Variants in NUDCD1 observed in about 807,000 individuals in gnomAD.
NUDCD1 encodes the protein nudC domain-containing protein 1.
In NUDCD1, 60 loss-of-function variants were observed where a neutral mutation model predicts 67.8. The observed-to-expected ratio is 0.88, with a 90% CI of 0.72 to 1.10. The LOEUF (loss-of-function observed/expected upper bound fraction) is 1.10, where lower values mean the gene tolerates loss of function less well. Ranked by LOEUF, NUDCD1 falls within the 50% of genes least tolerant of loss-of-function variation. NUDCD1 has a pLI of 0.00. For missense variants in NUDCD1, 643 were observed against 695.0 expected, an observed-to-expected ratio of 0.93 and a Z score of 0.84; for synonymous variants, 244 against 230.8, an observed-to-expected ratio of 1.06 and a Z score of -0.52.
At chr8:109,271,172 A>T (rs1445178100) in intron 7 of NUDCD1, 42 bp from the exon 8 acceptor site, 1 of 1,365,096 alleles carries the variant, frequency 7.3e-7, no homozygotes, top group Non-Finnish European at 1.0e-6. Context: ...TAAAACAAAT[A>T]AACAAGGGAA....
intron 8 of NUDCD1, among the ~76,000 whole-genome samples, chr8:109,248,610 T>A (rs1028105977): frequency 2.0e-5 from 3 of 151,748 alleles, no homozygotes; most frequent in African/African-American, 7.3e-5. Flanking sequence ...GTGACTAGGG[T>A]CAAGAGCTTC....
intron 8 of NUDCD1, among the ~76,000 whole-genome samples, chr8:109,253,327 G>T (rs979459398): frequency 6.6e-6 from 1 of 152,192 alleles, no homozygotes; most frequent in African/African-American, 2.4e-5. Flanking sequence ...ATAAGTAGAA[G>T]TATGCTCAGC....
At chr8:109,255,802 G>A (rs1813723251) in intron 8 of NUDCD1, among the ~76,000 whole-genome samples, 2 of 152,254 alleles carry the variant, frequency 1.3e-5, no homozygotes, top group Admixed American at 6.5e-5. Flanking sequence ...TAAGGAAACA[G>A]TGAGAAAAGG....
chr8:109,256,097 G>C (rs1202877422), intron 8 of NUDCD1, among the ~76,000 whole-genome samples: 1 of 151,858 alleles, frequency 6.6e-6, no homozygotes, highest in Non-Finnish European at 1.5e-5. Context: ...TGTGGTCCCA[G>C]CTACTCAAGA....
intron 5 of NUDCD1, among the ~76,000 whole-genome samples, chr8:109,286,874 C>A (rs1814585665): frequency 6.6e-6 from 1 of 152,086 alleles, no homozygotes; most frequent in South Asian, 2.1e-4. Flanking sequence ...ACGCACCCAA[C>A]AGAAGTCTAA....
At chr8:109,282,239 C>T (rs1461427094) in intron 5 of NUDCD1, among the ~76,000 whole-genome samples, 2 of 152,120 alleles carry the variant, frequency 1.3e-5, no homozygotes, top group Non-Finnish European at 2.9e-5. Context: ...CAGCCCATTG[C>T]CTGAGGCAAT....
chr8:109,248,627 T>C (rs888579265), intron 8 of NUDCD1, among the ~76,000 whole-genome samples: 1 of 151,892 alleles, frequency 6.6e-6, no homozygotes, highest in African/African-American at 2.4e-5. Flanking sequence ...CTTCTAGACT[T>C]AGTACATAGT....
intron 5 of NUDCD1, among the ~76,000 whole-genome samples, chr8:109,283,069 T>C (rs1814494831): frequency 1.3e-5 from 2 of 151,970 alleles, no homozygotes; most frequent in South Asian, 4.2e-4. Flanking sequence ...ATCCAAGAAA[T>C]GAAGGAAGAG....
intron 1 of NUDCD1, among the ~76,000 whole-genome samples, chr8:109,328,568 A>G (rs577257558): frequency 2.0e-5 from 3 of 152,190 alleles, no homozygotes; most frequent in Non-Finnish European, 4.4e-5. Flanking sequence ...GGGCACTCAC[A>G]TAAGGCTAGG....
intron 8 of NUDCD1, among the ~76,000 whole-genome samples, chr8:109,248,432 G>T (rs1813549412): frequency 6.6e-6 from 1 of 152,052 alleles, no homozygotes; most frequent in Non-Finnish European, 1.5e-5. Context: ...AAATTGTAAA[G>T]AAATTTTTTT....
intron 4 of NUDCD1, among the ~76,000 whole-genome samples, chr8:109,290,407 G>A (rs76186006): frequency 0.076 from 11,502 of 152,000 alleles, 667 homozygotes; most frequent in South Asian, 0.22. Context: ...ACCTCTCCTT[G>A]ACTAAAGCCT....
intron 2 of NUDCD1, among the ~76,000 whole-genome samples, chr8:109,320,613 C>T (rs1450248930): frequency 6.6e-6 from 1 of 152,136 alleles, no homozygotes; most frequent in Admixed American, 6.5e-5. Context: ...ACATCCTCCT[C>T]AGCTGACAGG....
At chr8:109,269,603 C>T (rs912723318) in intron 8 of NUDCD1, among the ~76,000 whole-genome samples, 1 of 152,118 alleles carries the variant, frequency 6.6e-6, no homozygotes, top group Non-Finnish European at 1.5e-5. Flanking sequence ...CAAATCTCTA[C>T]GTGACAAAGA....
intron 7 of NUDCD1, among the ~76,000 whole-genome samples, chr8:109,274,469 GCA>G (rs1814231009): frequency 6.6e-6 from 1 of 152,104 alleles, no homozygotes; most frequent in Admixed American, 6.5e-5. Context: ...CGAATATAAG[GCA>G]ATGCAGCCTG....
At chr8:109,315,280 C>T (rs1815364625) in intron 2 of NUDCD1, 1 of 152,090 alleles carries the variant, frequency 6.6e-6, no homozygotes, top group African/African-American at 2.4e-5. Context: ...TCTGGCCTCC[C>T]CTCCCTTCCT....
intron 2 of NUDCD1, among the ~76,000 whole-genome samples, chr8:109,307,214 C>T (rs1193967169): frequency 6.6e-6 from 1 of 152,220 alleles, no homozygotes; most frequent in East Asian, 1.9e-4. Context: ...TCTCCCCTGC[C>T]CTTAAGATGG....
chr8:109,276,034 A>G (rs1814279030), intron 6 of NUDCD1, among the ~76,000 whole-genome samples: 1 of 152,230 alleles, frequency 6.6e-6, no homozygotes, highest in Non-Finnish European at 1.5e-5. Context: ...CAGATGTTAA[A>G]TAACTGAAAA....
chr8:109,266,392 ATTTTTTTTTTTT>A (rs71305931), intron 8 of NUDCD1, among the ~76,000 whole-genome samples: 2 of 87,508 alleles, frequency 2.3e-5, no homozygotes, highest in South Asian at 4.5e-4. Flanking sequence ...TGCCCGGCTA[ATTTTTTTTTTTT>A]TTTTTTTTTT....
intron 7 of NUDCD1, 70 bp downstream of exon 7, chr8:109,275,282 G>A (rs1022203497): frequency 7.0e-7 from 1 of 1,429,014 alleles, no homozygotes; most frequent in Non-Finnish European, 9.6e-7. Context: ...TGTTTGAAAA[G>A]CATGGCATAA....
Sources: gnomAD v4.1 joint callset for allele counts (sites outside exome capture counted in the v4.1 genomes callset) on GRCh38, gnomAD v4.1.1 for gene constraint, MANE v1.5 for transcripts, NCBI Gene and HGNC (gene_info 2026-07-23, HGNC 2026-07-21) for gene names.